NKAIN3: variants seen among roughly 807,000 people sequenced by gnomAD.
NKAIN3 encodes sodium/potassium-transporting ATPase subunit beta-1-interacting protein 3.
A neutral mutation model predicts 30.2 loss-of-function variants in NKAIN3; 25 were observed. The ratio of observed to expected loss-of-function variants is 0.83; its 90% CI spans 0.60 to 1.16. NKAIN3 has a LOEUF of 1.16. Among genes scored for constraint, NKAIN3 ranks in the 50% most tolerant of loss-of-function variants. The pLI is 0.00. For missense variants in NKAIN3, 225 were observed against 254.1 expected (o/e 0.89, Z 0.78); for synonymous variants, 91 against 89.6 (o/e 1.02, Z -0.09).
chr8:62,825,476 A>C (rs1275658964), intron 4 of NKAIN3, among the ~76,000 whole-genome samples: 1 of 152,230 alleles, frequency 6.6e-6, no homozygotes, highest in Non-Finnish European at 1.5e-5. Flanking sequence ...TAATGAGACA[A>C]AATTCACTAG....
intron 4 of NKAIN3, among the ~76,000 whole-genome samples, chr8:62,748,956 G>A (rs1816179704): frequency 6.6e-6 from 1 of 151,906 alleles, no homozygotes; most frequent in Non-Finnish European, 1.5e-5. Flanking sequence ...AAATATATAT[G>A]TTTAAATTTT....
At chr8:62,715,643 T>C (rs1814872599) in intron 3 of NKAIN3, among the ~76,000 whole-genome samples, 1 of 152,230 alleles carries the variant, frequency 6.6e-6, no homozygotes, top group Non-Finnish European at 1.5e-5. Context: ...TGTCACACTG[T>C]AAGTGCTACA....
At chr8:62,598,165 G>A (rs1810887938) in intron 3 of NKAIN3, among the ~76,000 whole-genome samples, 2 of 152,086 alleles carry the variant, frequency 1.3e-5, no homozygotes, top group South Asian at 2.1e-4. Context: ...ACACCGGAGA[G>A]TGAGTAAGGC....
chr8:62,611,520 C>G (rs759104932), intron 3 of NKAIN3, among the ~76,000 whole-genome samples: 1 of 152,064 alleles, frequency 6.6e-6, no homozygotes, highest in Non-Finnish European at 1.5e-5. Flanking sequence ...TTTTAGATTC[C>G]ATACAGTGAT....
intron 4 of NKAIN3, among the ~76,000 whole-genome samples, chr8:62,818,905 G>A (rs1818769484): frequency 6.6e-6 from 1 of 151,834 alleles, no homozygotes; most frequent in South Asian, 2.1e-4. Flanking sequence ...TGAATAAAAA[G>A]CATGCTGGGA....
chr8:62,523,441 T>C (rs1342616112), intron 1 of NKAIN3, among the ~76,000 whole-genome samples: 1 of 152,134 alleles, frequency 6.6e-6, no homozygotes, highest in Non-Finnish European at 1.5e-5. Flanking sequence ...TTTCTCAATA[T>C]TGACCATGTT....
rs181391452 is a variant in NKAIN3 at position 62,646,304 on chromosome 8, C to T, written c.273+56510C>T. ...TGAATTTTTAGAGATGTAACCTAGT[C>T]CTGCTAATAATGTAGGAGGCATTCA... On this transcript the variant is annotated intron_variant, in intron 3 of 6. Coordinates refer to ENST00000623646, the MANE Select transcript of NKAIN3 (RefSeq NM_001304533.3). 6.5e-3 allele frequency among the ~76,000 whole-genome samples: 988 copies of T among 152,174 alleles called. 9 individuals are homozygous for T. The highest frequency in any genetic ancestry group is 0.022 in the African/African-American group (904 of 41,532).
At chr8:62,318,784 C>A (rs575567432) in intron 1 of NKAIN3, among the ~76,000 whole-genome samples, 1 of 152,208 alleles carries the variant, frequency 6.6e-6, no homozygotes, top group Admixed American at 6.5e-5. Flanking sequence ...GGATGTTGGT[C>A]TAAAATTCTC....
intron 1 of NKAIN3, among the ~76,000 whole-genome samples, chr8:62,408,493 T>C (rs1804144872): frequency 6.6e-6 from 1 of 152,170 alleles, no homozygotes; most frequent in South Asian, 2.1e-4. Context: ...GTATGAAAGG[T>C]TAAAAATAAA....
At chr8:62,505,569 G>A (rs1037898200) in intron 1 of NKAIN3, among the ~76,000 whole-genome samples, 1 of 152,086 alleles carries the variant, frequency 6.6e-6, no homozygotes, top group Non-Finnish European at 1.5e-5. Flanking sequence ...TCTATCCCCT[G>A]CTCTACAGAA....
intron 1 of NKAIN3, among the ~76,000 whole-genome samples, chr8:62,268,764 T>C (rs1812684520): frequency 1.3e-5 from 2 of 152,138 alleles, no homozygotes; most frequent in African/African-American, 4.8e-5. Flanking sequence ...GATTCCAACC[T>C]AACACCATGA....
intron 1 of NKAIN3, among the ~76,000 whole-genome samples, chr8:62,335,964 C>T (rs567229376): frequency 6.6e-6 from 1 of 152,094 alleles, no homozygotes; most frequent in East Asian, 1.9e-4. Flanking sequence ...CATCAGGCAT[C>T]CTTAAAATTC....
intron 5 of NKAIN3, among the ~76,000 whole-genome samples, chr8:62,943,971 G>C (rs1311585832): frequency 6.6e-6 from 1 of 151,822 alleles, no homozygotes; most frequent in Non-Finnish European, 1.5e-5. Context: ...AGGACTCAAA[G>C]GCATAAGAAT....
intron 1 of NKAIN3, among the ~76,000 whole-genome samples, chr8:62,315,577 A>G (rs1339199013): frequency 6.6e-6 from 1 of 151,558 alleles, no homozygotes; most frequent in African/African-American, 2.4e-5. Flanking sequence ...AGTTATTATT[A>G]GCTTTGGCAA....
intron 1 of NKAIN3, among the ~76,000 whole-genome samples, chr8:62,333,444 A>G (rs961655106): frequency 1.2e-4 from 19 of 152,210 alleles, no homozygotes; most frequent in African/African-American, 4.1e-4. Flanking sequence ...ATAATTCTGC[A>G]TTTTGTGTAG....
intron 1 of NKAIN3, among the ~76,000 whole-genome samples, chr8:62,360,949 C>T (rs756383876): frequency 6.6e-6 from 1 of 151,014 alleles, no homozygotes; most frequent in African/African-American, 2.4e-5. Flanking sequence ...TTTTATCTTC[C>T]TATTATGAAA....
chr8:62,741,412 AAGGAAGGAAGGCAGGCAAGC>A (rs1320771175), intron 3 of NKAIN3, among the ~76,000 whole-genome samples: 1 of 133,848 alleles, frequency 7.5e-6, no homozygotes, highest in African/African-American at 3.3e-5. Context: ...GGAAGGAAGG[AAGGAAGGAAGGCAGGCAAGC>A]AAGCAAGCAC....
At chr8:62,437,061 C>T (rs1805193378) in intron 1 of NKAIN3, among the ~76,000 whole-genome samples, 2 of 151,992 alleles carry the variant, frequency 1.3e-5, no homozygotes, top group Non-Finnish European at 2.9e-5. Flanking sequence ...AAAATATAGA[C>T]GAATGTATTA....
At chr8:62,612,671 G>A (rs1033656402) in intron 3 of NKAIN3, among the ~76,000 whole-genome samples, 1 of 151,230 alleles carries the variant, frequency 6.6e-6, no homozygotes, top group Admixed American at 6.6e-5. Context: ...GTTGTTTTGC[G>A]GTCTCTTCTT....
Sources: gnomAD v4.1 joint callset for allele counts (sites outside exome capture counted in the v4.1 genomes callset) on GRCh38, gnomAD v4.1.1 for gene constraint, MANE v1.5 for transcripts, NCBI Gene and HGNC (gene_info 2026-07-23, HGNC 2026-07-21) for gene names.